The following SNTG1 variants were observed in gnomAD, a reference collection of about 807,000 sequenced individuals.
SNTG1 encodes gamma-1-syntrophin.
In SNTG1, 39 loss-of-function variants were observed where a neutral mutation model predicts 74.7. The ratio of observed to expected loss-of-function variants is 0.52; its 90% CI spans 0.40 to 0.68. The LOEUF is 0.68. Among genes scored for constraint, SNTG1 ranks in the 30% least tolerant of loss-of-function variants. The pLI is 0.00. For missense variants in SNTG1, 685 were observed against 609.5 expected, an observed-to-expected ratio of 1.12 and a Z score of -1.30; for synonymous variants, 254 against 217.1, an observed-to-expected ratio of 1.17 and a Z score of -1.49.
rs567785888 is a variant in SNTG1 at position 50,721,288 on chromosome 8, C to CA, written c.1284+12315dup. Among the ~76,000 whole-genome samples the CA allele has an allele frequency of 1.1e-3, 171 of 152,216 alleles. 1 individual carries two copies. Among genetic ancestry groups the CA allele is most frequent in the South Asian group, 7.5e-3 (36 of 4,818 alleles). ...AGCTTTGTACCTGTATTGTAAGTGT[C>CA]AAAAATAAAAAGTTAGGGCAAGCTT... is the stretch of plus-strand genomic sequence containing the variant. On this transcript the variant is annotated intron_variant, in intron 17 of 18. Coordinates refer to ENST00000642720, the MANE Select transcript of SNTG1 (RefSeq NM_018967.5).
At chr8:50,144,866 G>A (rs1454087218) in intron 1 of SNTG1, among the ~76,000 whole-genome samples, 1 of 152,168 alleles carries the variant, frequency 6.6e-6, no homozygotes, top group Admixed American at 6.5e-5. Flanking sequence ...TTCTGGGTTT[G>A]AGACACTTAT....
intron 15 of SNTG1, among the ~76,000 whole-genome samples, chr8:50,664,008 C>T (rs79099932): frequency 0.032 from 4,911 of 152,206 alleles, 261 homozygotes; most frequent in African/African-American, 0.11. Flanking sequence ...TGTCCCCGAA[C>T]TCTAAGTATT....
At chr8:50,228,410 C>G (rs2085451183) in intron 2 of SNTG1, among the ~76,000 whole-genome samples, 1 of 151,706 alleles carries the variant, frequency 6.6e-6, no homozygotes, top group South Asian at 2.1e-4. Context: ...TGACAGATAC[C>G]AAACCACAGA....
intron 2 of SNTG1, among the ~76,000 whole-genome samples, chr8:50,272,558 T>C (rs2087839513): frequency 6.6e-6 from 1 of 152,162 alleles, no homozygotes. Context: ...AGCTCTTGCT[T>C]GACGGGTATA....
chr8:49,982,853 C>G (rs1477136139), intron 1 of SNTG1, among the ~76,000 whole-genome samples: 5 of 152,068 alleles, frequency 3.3e-5, no homozygotes, highest in African/African-American at 1.2e-4. Flanking sequence ...TGTCAGAATA[C>G]TTCAGAATTA....
At position 50,088,220 on chromosome 8, in the gene SNTG1, A is replaced by T. The variant is rs532940361; in HGVS notation, c.-102-84341A>T. 3.2e-4 allele frequency among the ~76,000 whole-genome samples: 48 copies of T among 151,168 alleles called. 1 individual carries two copies. The highest frequency in any genetic ancestry group is 6.8e-3 in the Middle Eastern group (2 of 294). On this transcript the variant is annotated intron_variant, in intron 1 of 18. Transcript: ENST00000642720. ...GGTTGGTTCCAAGTCTTTGCTAAAAACTCTCAATAAATTAGGTATTGATGG... is the reference window on the plus strand; with the variant it reads ...GGTTGGTTCCAAGTCTTTGCTAAAATCTCTCAATAAATTAGGTATTGATGG...
intron 13 of SNTG1, among the ~76,000 whole-genome samples, chr8:50,595,311 A>G (rs772204011): frequency 6.6e-6 from 1 of 152,078 alleles, no homozygotes; most frequent in Non-Finnish European, 1.5e-5. Flanking sequence ...CCACCTCAAA[A>G]AAAGTAATGT....
chr8:49,920,374 A>G (rs576224347), intron 1 of SNTG1, among the ~76,000 whole-genome samples: 67 of 152,160 alleles, frequency 4.4e-4, no homozygotes, highest in African/African-American at 1.6e-3. Context: ...TGCAAATGGG[A>G]CAATCAAGCT....
intron 1 of SNTG1, among the ~76,000 whole-genome samples, chr8:49,927,685 G>A (rs573623911): frequency 6.6e-6 from 1 of 152,076 alleles, no homozygotes; most frequent in Non-Finnish European, 1.5e-5. Flanking sequence ...TTAGGGGGAG[G>A]GAGGGATAAG....
chr8:50,794,746 A>T lies in SNTG1; in HGVS notation c.*1917A>T, dbSNP rs915478870. 6.6e-6 allele frequency: 1 copy of T among 151,976 alleles called. No individual in the cohort carries two copies. Among genetic ancestry groups the T allele is most frequent in the African/African-American group, 2.4e-5 (1 of 41,422 alleles). 9.4% of individuals were successfully genotyped at this position (151,976 alleles called of 1,614,324 possible). Reference sequence around the variant, plus strand: ...AGAGCTGAATCTCAGTGTGCCCCATATTGGGGTTACATGAATGTGTCCACA... The same window carrying T: ...AGAGCTGAATCTCAGTGTGCCCCATTTTGGGGTTACATGAATGTGTCCACA... On this transcript the variant is annotated 3_prime_UTR_variant, in exon 19 of 19. Coordinates refer to ENST00000642720, the MANE Select transcript of SNTG1 (RefSeq NM_018967.5).
chr8:50,294,154 AT>A (rs144606187), intron 2 of SNTG1, among the ~76,000 whole-genome samples: 7,961 of 152,282 alleles, frequency 0.052, 233 homozygotes, highest in Middle Eastern at 0.12. Context: ...AATACACAGA[AT>A]AAAAAAGTTA....
chr8:50,617,366 C>T (rs550503150), intron 13 of SNTG1, among the ~76,000 whole-genome samples: 3 of 143,376 alleles, frequency 2.1e-5, no homozygotes, highest in South Asian at 4.5e-4. Context: ...CAATTAAGAT[C>T]AAGTAAGCAT....
intron 2 of SNTG1, among the ~76,000 whole-genome samples, chr8:50,304,477 A>G (rs186417563): frequency 6.6e-6 from 1 of 152,318 alleles, no homozygotes; most frequent in East Asian, 1.9e-4. Flanking sequence ...CATTGTATCA[A>G]CTGATTTTTT....
rs2095699725 is a variant in SNTG1, at chr8:50,794,358, G to A, written c.*1529G>A. 1 of 151,792 alleles carries A rather than the reference G, an allele frequency of 6.6e-6. No homozygotes were observed. Among genetic ancestry groups the A allele is most frequent in the South Asian group, 2.1e-4 (1 of 4,814 alleles). The allele number at this position is 151,792 out of a possible 1,614,324, so 9.4% of individuals were successfully genotyped here. On this transcript the variant is annotated 3_prime_UTR_variant, in exon 19 of 19. Coordinates refer to ENST00000642720, the MANE Select transcript of SNTG1 (RefSeq NM_018967.5). ...TGATTCATTAATTTATTTTGCATCA[G>A]ATTAATTTGTAAATACATCAAATTG...
At chr8:50,567,486 A>G (rs1353262007) in intron 12 of SNTG1, among the ~76,000 whole-genome samples, 2 of 152,104 alleles carry the variant, frequency 1.3e-5, no homozygotes, top group Non-Finnish European at 2.9e-5. Flanking sequence ...GTATAAATGT[A>G]TATGTATCTA....
At position 50,099,785 on chromosome 8, in the gene SNTG1, T is replaced by G. The variant is rs530240264; in HGVS notation, c.-102-72776T>G. On this transcript the variant is annotated intron_variant, in intron 1 of 18. Transcript: ENST00000642720. Reference sequence around the variant, plus strand: ...AATCTGTTGGTTATTTGTAGCTTTTTTGAGAAATGGCTAATCAGAGCATTT... The same window carrying G: ...AATCTGTTGGTTATTTGTAGCTTTTGTGAGAAATGGCTAATCAGAGCATTT... Among the ~76,000 whole-genome samples, 134 of 152,272 alleles carry G rather than the reference T, an allele frequency of 8.8e-4. No individual in the cohort carries two copies. In the Middle Eastern group the frequency reaches 0.017, roughly 19 times the overall value.
At chr8:50,366,448 T>C (rs909001581) in intron 2 of SNTG1, among the ~76,000 whole-genome samples, 7 of 151,992 alleles carry the variant, frequency 4.6e-5, no homozygotes, top group African/African-American at 1.7e-4. Flanking sequence ...ACCATCTTAA[T>C]CAGAAATTCA....
Position 50,125,646 on chromosome 8 carries a change from C to G in SNTG1, c.-102-46915C>G, listed in dbSNP as rs1401006216. On this transcript the variant is annotated intron_variant, in intron 1 of 18. Transcript: ENST00000642720. ...CACTATGTCCTAAGAACGGTGCGAG[C>G]TCTGTGGATAGAAGGAAAAGATGCA... 2.1e-5 allele frequency among the ~76,000 whole-genome samples: 3 copies of G among 141,482 alleles called. 1 individual carries two copies. Among genetic ancestry groups the G allele is most frequent in the Admixed American group, 7.3e-5 (1 of 13,716 alleles). The allele number at this position is 141,482 out of a possible 152,430, so 92.8% of individuals were successfully genotyped here. A position where few individuals can be genotyped will look rare whatever the true frequency, so the allele number is the denominator to read the frequency against.
intron 1 of SNTG1, among the ~76,000 whole-genome samples, chr8:49,942,637 C>T (rs949593468): frequency 6.6e-5 from 10 of 152,102 alleles, no homozygotes; most frequent in African/African-American, 2.2e-4. Context: ...CTTTTATTTT[C>T]GGTGACCTTG....
Sources: gnomAD v4.1 joint callset for allele counts (sites outside exome capture counted in the v4.1 genomes callset) on GRCh38, gnomAD v4.1.1 for gene constraint, MANE v1.5 for transcripts, NCBI Gene and HGNC (gene_info 2026-07-23, HGNC 2026-07-21) for gene names.